ECE1: variants seen among roughly 807,000 people sequenced by gnomAD.
The protein encoded by ECE1 is endothelin-converting enzyme 1.
ECE1 carries 35 observed loss-of-function variants against 98.6 expected under a neutral mutation model. The ratio of observed to expected loss-of-function variants is 0.35; its 90% CI spans 0.27 to 0.47. ECE1 has a LOEUF of 0.47. ECE1 is among the 20% of genes least tolerant of loss of function. The pLI, the probability that ECE1 is intolerant of heterozygous loss-of-function variation, is 1.00. For missense variants in ECE1, 814 were observed against 1,025.3 expected (o/e 0.79, Z 2.81); for synonymous variants, 394 against 407.1 (o/e 0.97, Z 0.39).
intron 1 of ECE1, among the ~76,000 whole-genome samples, chr1:21,320,781 G>A (rs1352914691): frequency 6.6e-6 from 1 of 152,166 alleles, no homozygotes; most frequent in East Asian, 1.9e-4. Flanking sequence ...CCTTCATTCT[G>A]CGGAGGGTTC....
chr1:21,242,280 T>A (rs545366265), intron 10 of ECE1, among the ~76,000 whole-genome samples: 1 of 152,184 alleles, frequency 6.6e-6, no homozygotes. Context: ...CCAAATTCCA[T>A]GCCGTTTCCT....
intron 18 of ECE1, 74 bp downstream of exon 18, chr1:21,221,673 T>C: frequency 6.6e-7 from 1 of 1,508,992 alleles, no homozygotes; most frequent in Non-Finnish European, 9.2e-7. Flanking sequence ...AACTTGCCTT[T>C]CGGCTCTCTG....
chr1:21,258,656 C>A lies in ECE1; in HGVS notation c.762+37G>T. 1.2e-6 allele frequency: 2 copies of A among 1,613,832 alleles called. No homozygotes were observed. Reference sequence around the variant, plus strand: ...AACTCAAAACAGGAAGAGGTCGTGCCCGCCCCCTCGACCGCTGCAGGTTCA... The same window carrying A: ...AACTCAAAACAGGAAGAGGTCGTGCACGCCCCCTCGACCGCTGCAGGTTCA... On this transcript the variant is annotated intron_variant, in intron 6 of 18. Coordinates refer to ENST00000374893, the MANE Select transcript of ECE1 (RefSeq NM_001397.3). The surrounding 1 kb of genome is among the most constrained non-coding windows in gnomAD (Gnocchi z 4.2).
At chr1:21,279,133 C>G in intron 3 of ECE1, 58 bp downstream of exon 3, 2 of 1,613,720 alleles carry the variant, frequency 1.2e-6, no homozygotes, top group Non-Finnish European at 1.7e-6. Context: ...CTCGCCCGAG[C>G]TGACGGAGCC....
At chr1:21,272,570 G>C in intron 4 of ECE1, 129 bp downstream of exon 4, 1 of 1,129,048 alleles carries the variant, frequency 8.9e-7, no homozygotes, top group Non-Finnish European at 1.3e-6. Flanking sequence ...GGGATTACAG[G>C]TGTGAGCCAC....
rs28367971 is a variant in ECE1, at chr1:21,261,062, A to C, written c.494-670T>G. Among the ~76,000 whole-genome samples the C allele has an allele frequency of 6.8e-3, 1,037 of 152,202 alleles. 15 individuals carry two copies. Among genetic ancestry groups the C allele is most frequent in the African/African-American group, 0.023 (972 of 41,522 alleles). ...GGTCCAGATGCCACCTGCTAAAGGC[A>C]ATGCTCCGGTGGGTGCACCTGGTGA... On this transcript the variant is annotated intron_variant, in intron 4 of 18. Coordinates refer to ENST00000374893, the MANE Select transcript of ECE1 (RefSeq NM_001397.3).
chr1:21,270,093 A>AG (rs531317038), intron 4 of ECE1, among the ~76,000 whole-genome samples: 127 of 152,360 alleles, frequency 8.3e-4, no homozygotes, highest in African/African-American at 3.0e-3. Flanking sequence ...CTCACTGGGA[A>AG]GCTAGAGGGC....
chr1:21,271,437 G>T (rs980904015), intron 4 of ECE1, among the ~76,000 whole-genome samples: 1 of 152,110 alleles, frequency 6.6e-6, no homozygotes, highest in South Asian at 2.1e-4. Flanking sequence ...ATCTTCTATT[G>T]TACCTGCCTT....
Position 21,258,641 on chromosome 1 carries a change from A to T in ECE1, c.762+52T>A. ...CCCCAGGTCCTGCTAAACTCAAAAC[A>T]GGAAGAGGTCGTGCCCGCCCCCTCG... On this transcript the variant is annotated intron_variant, in intron 6 of 18. Coordinates refer to ENST00000374893, the MANE Select transcript of ECE1 (RefSeq NM_001397.3). The surrounding 1 kb of genome is among the most constrained non-coding windows in gnomAD (Gnocchi z 4.2). 1.9e-6 allele frequency: 3 copies of T among 1,609,420 alleles called. No individual in the cohort carries two copies. The South Asian group carries it at 3.3e-5, about 18-fold the overall frequency.
At chr1:21,251,315 C>T (rs868798724) in intron 8 of ECE1, among the ~76,000 whole-genome samples, 2 of 152,092 alleles carry the variant, frequency 1.3e-5, no homozygotes, top group Non-Finnish European at 2.9e-5. Context: ...GAGTTCAAGA[C>T]CAGCCTGGCC....
At chr1:21,284,721 C>A (rs563168236) in intron 2 of ECE1, among the ~76,000 whole-genome samples, 2 of 152,142 alleles carry the variant, frequency 1.3e-5, no homozygotes, top group Non-Finnish European at 2.9e-5. Flanking sequence ...CTGGGGCCCA[C>A]GAGACAAGCC....
At position 21,279,403 on chromosome 1, in the gene ECE1, T is replaced by A. The variant is rs1218948464; in HGVS notation, c.139-71A>T. ...GCCCCGCTTCCCTTGGAGGAAGGGG[T>A]TCCGCTGCAGGCCCAGGCCCTGGAG... On this transcript the variant is annotated intron_variant, in intron 2 of 18. Transcript: ENST00000374893. The A allele has an allele frequency of 2.5e-6, 4 of 1,611,432 alleles. No individual in the cohort carries two copies. In the East Asian group the frequency reaches 6.7e-5, roughly 27 times the overall value.
chr1:21,243,166 C>T (rs1159993089), intron 10 of ECE1, among the ~76,000 whole-genome samples: 1 of 152,176 alleles, frequency 6.6e-6, no homozygotes, highest in Non-Finnish European at 1.5e-5. Context: ...TTGAACAAGT[C>T]CCTTTCCCTC....
intron 1 of ECE1, among the ~76,000 whole-genome samples, chr1:21,317,400 C>T (rs1239927482): frequency 6.6e-6 from 1 of 152,174 alleles, no homozygotes; most frequent in African/African-American, 2.4e-5. Context: ...CCAAAATGAA[C>T]AGACAGAGGG....
In ECE1 at chr1:21,243,471, G is replaced by A. The variant is rs116191588; in HGVS notation, c.1278+1518C>T. ...TGGGCTCAGGTGATCCACCTGTCTC[G>A]GCCTCTCAAAGTGTTAGCACTACAG... On this transcript the variant is annotated intron_variant, in intron 10 of 18. Coordinates refer to ENST00000374893, the MANE Select transcript of ECE1 (RefSeq NM_001397.3). Among the ~76,000 whole-genome samples, 284 of 150,284 alleles carry A rather than the reference G, an allele frequency of 1.9e-3. 1 individual carries two copies. The highest frequency in any genetic ancestry group is 6.7e-3 in the African/African-American group (276 of 40,898).
At chr1:21,316,807 A>G (rs1017320254) in intron 1 of ECE1, among the ~76,000 whole-genome samples, 1 of 152,232 alleles carries the variant, frequency 6.6e-6, no homozygotes, top group African/African-American at 2.4e-5. Flanking sequence ...AGGAAGACAG[A>G]AAAGCTGCAG....
rs372274377 is a variant in ECE1, at chr1:21,325,332, G to A, written c.3+20044C>T. On this transcript the variant is annotated intron_variant, in intron 1 of 18. Coordinates refer to the ECE1 transcript ENST00000415912. ...GCGTCTCGAGCGGTTCCCCTTCAGC[G>A]GTGAGAAGTAACGTCACAATTAAGG... is the stretch of plus-strand genomic sequence containing the variant. Among the ~76,000 whole-genome samples, 18 of 152,328 alleles carry A rather than the reference G, an allele frequency of 1.2e-4. No individual in the cohort carries two copies. In the East Asian group the frequency reaches 2.3e-3, roughly 20 times the overall value.
intron 1 of ECE1, among the ~76,000 whole-genome samples, chr1:21,306,882 C>T (rs565389845): frequency 6.6e-6 from 1 of 152,168 alleles, no homozygotes; most frequent in Non-Finnish European, 1.5e-5. Context: ...ACCAACCCCC[C>T]CAATCTACAG....
At chr1:21,330,746 G>A (rs4654918) in intron 1 of ECE1, among the ~76,000 whole-genome samples, 11,497 of 152,014 alleles carry the variant, frequency 0.076, 478 homozygotes, top group African/African-American at 0.11. Flanking sequence ...TCCTCCCCCT[G>A]ACTCAGGTCC....
Sources: gnomAD v4.1 joint callset for allele counts (sites outside exome capture counted in the v4.1 genomes callset) on GRCh38, gnomAD v4.1.1 for gene constraint, Gnocchi (gnomAD v3.1) non-coding constraint, MANE v1.5 for transcripts, NCBI Gene and HGNC (gene_info 2026-07-23, HGNC 2026-07-21) for gene names.